SLC24A2: variants seen among roughly 807,000 people sequenced by gnomAD.
SLC24A2 encodes the protein solute carrier family 24 member 2, also known as sodium/potassium/calcium exchanger 2.
SLC24A2 carries 36 observed loss-of-function variants against 62.0 expected under a neutral mutation model. That is an observed-to-expected ratio of 0.58 (90% CI 0.44 to 0.77). SLC24A2 has a LOEUF of 0.77. Ranked by LOEUF, SLC24A2 falls within the 30% of genes least tolerant of loss-of-function variation. SLC24A2 has a pLI of 0.00. For synonymous variants in SLC24A2, 358 were observed against 294.0 expected (o/e 1.22, Z -2.23); for missense variants, 846 against 817.9 (o/e 1.03, Z -0.42).
At chr9:19,902,237 C>A in the SLC24A2 span, among the ~76,000 whole-genome samples, 1 of 152,154 alleles carries the variant, frequency 6.6e-6, no homozygotes, top group South Asian at 2.1e-4. Context: ...GTTTTTAAGG[C>A]TTCTCTGGGT....
chr9:20,072,170 T>C, the SLC24A2 span, among the ~76,000 whole-genome samples: 3 of 152,102 alleles, frequency 2.0e-5, no homozygotes, highest in Admixed American at 1.3e-4. Context: ...GATTGAAGCA[T>C]GGATAATGGT....
chr9:19,700,133 G>C (rs752442125), intron 2 of SLC24A2, among the ~76,000 whole-genome samples: 42 of 152,164 alleles, frequency 2.8e-4, no homozygotes, highest in Non-Finnish European at 5.6e-4. Context: ...TCTCACCTGA[G>C]ACATAGATAA....
intron 2 of SLC24A2, among the ~76,000 whole-genome samples, chr9:19,721,372 G>C (rs1024619825): frequency 4.6e-5 from 7 of 152,104 alleles, no homozygotes; most frequent in African/African-American, 1.7e-4. Context: ...ATACTGGCTA[G>C]AGGAATTTTT....
chr9:20,083,656 C>G, the SLC24A2 span, among the ~76,000 whole-genome samples: 1 of 152,162 alleles, frequency 6.6e-6, no homozygotes, highest in African/African-American at 2.4e-5. Flanking sequence ...TAACACAGTA[C>G]CCACTGAAAG....
chr9:19,712,759 G>A (rs939063825), intron 2 of SLC24A2, among the ~76,000 whole-genome samples: 1 of 152,070 alleles, frequency 6.6e-6, no homozygotes, highest in African/African-American at 2.4e-5. Context: ...CTGGATCAGG[G>A]TTTCTTAACT....
chr9:20,071,731 C>T, the SLC24A2 span, among the ~76,000 whole-genome samples: 2 of 152,128 alleles, frequency 1.3e-5, no homozygotes, highest in African/African-American at 4.8e-5. Flanking sequence ...CCAACACTAT[C>T]TCTGGATAGA....
chr9:19,621,593 G>A lies in SLC24A2; in HGVS notation c.969+668C>T, dbSNP rs547631829. On this transcript the variant is annotated intron_variant, in intron 3 of 10. Coordinates refer to ENST00000341998, the MANE Select transcript of SLC24A2 (RefSeq NM_020344.4). ...GAAATGTAATCACTGTTTGATGGCTGAACACAATAATTCTGAAGGTTGTTT... is the reference window on the plus strand; with the variant it reads ...GAAATGTAATCACTGTTTGATGGCTAAACACAATAATTCTGAAGGTTGTTT... 7.9e-5 allele frequency among the ~76,000 whole-genome samples: 12 copies of A among 152,294 alleles called. No homozygotes were observed. In the East Asian group the frequency reaches 1.7e-3, roughly 22 times the overall value.
chr9:19,797,499 G>C, the SLC24A2 span, among the ~76,000 whole-genome samples: 1 of 152,176 alleles, frequency 6.6e-6, no homozygotes, highest in East Asian at 1.9e-4. Flanking sequence ...GATGCGACCT[G>C]CCAAGTAGAG....
At chr9:19,811,362 A>C in the SLC24A2 span, among the ~76,000 whole-genome samples, 1 of 152,230 alleles carries the variant, frequency 6.6e-6, no homozygotes, top group Non-Finnish European at 1.5e-5. Flanking sequence ...AACTAAAACA[A>C]AATATTTGGA....
chr9:20,231,395 C>G, the SLC24A2 span, among the ~76,000 whole-genome samples: 96 of 152,244 alleles, frequency 6.3e-4, no homozygotes, highest in African/African-American at 2.2e-3. Context: ...TTGTTTGTAA[C>G]CTCTTTTATT....
the SLC24A2 span, among the ~76,000 whole-genome samples, chr9:20,278,997 C>T: frequency 2.0e-5 from 3 of 152,128 alleles, no homozygotes; most frequent in East Asian, 3.8e-4. Context: ...CAAACATGTC[C>T]TTCTTCATAT....
the SLC24A2 span, among the ~76,000 whole-genome samples, chr9:19,976,757 G>A: frequency 6.6e-6 from 1 of 152,160 alleles, no homozygotes; most frequent in African/African-American, 2.4e-5. Context: ...CAGGGGTCCT[G>A]GAACAAATTC....
chr9:20,229,952 C>G, the SLC24A2 span, among the ~76,000 whole-genome samples: 1 of 143,080 alleles, frequency 7.0e-6, no homozygotes, highest in African/African-American at 2.6e-5. Context: ...TCTCATTGTT[C>G]AATTCGCACC....
intron 7 of SLC24A2, among the ~76,000 whole-genome samples, chr9:19,564,147 C>T (rs996227557): frequency 2.4e-4 from 37 of 152,180 alleles, no homozygotes; most frequent in Middle Eastern, 3.4e-3. Context: ...TGTGAGCCAC[C>T]ATGCCTGGCC....
intron 2 of SLC24A2, among the ~76,000 whole-genome samples, chr9:19,765,229 A>G (rs145098556): frequency 1.1e-3 from 160 of 152,260 alleles, no homozygotes; most frequent in African/African-American, 3.9e-3. Flanking sequence ...CAGAACACCA[A>G]TGGGTCTTGA....
chr9:19,659,625 A>G (rs2118227895), intron 2 of SLC24A2, among the ~76,000 whole-genome samples: 1 of 152,316 alleles, frequency 6.6e-6, no homozygotes, highest in South Asian at 2.1e-4. Context: ...TAGTGCTTAT[A>G]TTAACTCCCT....
intron 2 of SLC24A2, among the ~76,000 whole-genome samples, chr9:19,732,110 T>C (rs974723128): frequency 4.2e-4 from 20 of 48,182 alleles, no homozygotes; most frequent in Admixed American, 2.4e-3. Flanking sequence ...CTCCTTGTTT[T>C]GTTAAAAAAA....
At chr9:19,850,022 C>CT in the SLC24A2 span, among the ~76,000 whole-genome samples, 68,358 of 144,556 alleles carry the variant, frequency 0.47, 17,665 homozygotes, top group Non-Finnish European at 0.59. Flanking sequence ...ATAAAAACTG[C>CT]TTTTTTTTTT....
the SLC24A2 span, among the ~76,000 whole-genome samples, chr9:19,986,002 G>A: frequency 6.6e-6 from 1 of 152,054 alleles, no homozygotes; most frequent in Non-Finnish European, 1.5e-5. Context: ...TATAGGATGG[G>A]AGAAAATATT....
Sources: allele counts gnomAD v4.1 joint callset (sites outside exome capture counted in the v4.1 genomes callset), GRCh38; gene constraint gnomAD v4.1.1; transcripts MANE v1.5; gene names NCBI Gene and HGNC (gene_info 2026-07-23, HGNC 2026-07-21).